The following TSBP1 variants were observed in gnomAD, a reference collection of about 807,000 sequenced individuals.
TSBP1 encodes testis-expressed basic protein 1.
In TSBP1, 56 loss-of-function variants were observed where a neutral mutation model predicts 68.8. That is an observed-to-expected ratio of 0.81 (90% confidence interval 0.66 to 1.02). The LOEUF (loss-of-function observed/expected upper bound fraction) is 1.02. TSBP1 is among the 50% of genes least tolerant of loss of function. The pLI, the probability that TSBP1 is intolerant of heterozygous loss-of-function variation, is 0.00. For synonymous variants in TSBP1, 171 were observed against 208.7 expected, an observed-to-expected ratio of 0.82 and a Z score of 1.56; for missense variants, 502 against 641.2, an observed-to-expected ratio of 0.78 and a Z score of 2.34.
chr6:32,332,011 G>A (rs1769079882), intron 15 of TSBP1, 23 bp downstream of exon 16: 1 of 1,571,506 alleles, frequency 6.4e-7, no homozygotes, highest in Non-Finnish European at 8.8e-7. Flanking sequence ...GTAGAGATAA[G>A]TTGATATATA....
chr6:32,355,752 A>G (rs1265758), intron 6 of TSBP1, 83 bp from the exon 7 acceptor site: 832,837 of 1,462,402 alleles, frequency 0.57, 240,000 homozygotes, highest in Middle Eastern at 0.63. Flanking sequence ...GGATTACCCA[A>G]TCAACACCCT....
chr6:32,327,722 C>A (rs1460245356), intron 16 of TSBP1, among the ~76,000 whole-genome samples: 2 of 148,418 alleles, frequency 1.3e-5, no homozygotes, highest in East Asian at 3.9e-4. Flanking sequence ...GGCATGACCT[C>A]AGCTCACTGC....
chr6:32,329,537 C>T (rs1013707918), intron 16 of TSBP1, among the ~76,000 whole-genome samples: 4 of 152,144 alleles, frequency 2.6e-5, no homozygotes, highest in African/African-American at 4.8e-5. Context: ...AGTAAATATC[C>T]AGTTTTAATG....
rs916857732 is a variant in TSBP1 at position 32,337,237 on chromosome 6, A to C, written c.410-602T>G. On this transcript the variant is annotated intron_variant, in intron 11 of 22. Transcript: ENST00000612031. The surrounding 1 kb of genome is among the most constrained non-coding windows in gnomAD (Gnocchi z 5.5). ...ACACCAGGAGCAAAATTTCCACTTC[A>C]GTGGAGGAACAAATTAAGTTTATAA... Among the ~76,000 whole-genome samples the C allele has an allele frequency of 6.6e-6, 1 of 152,238 alleles. No homozygotes were observed. Among genetic ancestry groups the C allele is most frequent in the Non-Finnish European group, 1.5e-5 (1 of 68,040 alleles).
Position 32,333,016 on chromosome 6 carries a change from TG to T in TSBP1, c.473-963del, listed in dbSNP as rs1398547122. ...AAGCCTGTTATGTTTTTTTTGTTGT[TG>T]TTTTTTTTTTAGACAGAGTCTTACT... On this transcript the variant is annotated intron_variant, in intron 14 of 22. Transcript: ENST00000612031. The surrounding 1 kb of genome is among the most constrained non-coding windows in gnomAD (Gnocchi z 4.2). 2.0e-5 allele frequency among the ~76,000 whole-genome samples: 3 copies of T among 151,412 alleles called. No individual in the cohort carries two copies. The highest frequency in any genetic ancestry group is 4.4e-5 in the Non-Finnish European group (3 of 67,878).
At chr6:32,362,028 A>G (rs537552888) in intron 6 of TSBP1, among the ~76,000 whole-genome samples, 226 of 152,052 alleles carry the variant, frequency 1.5e-3, no homozygotes, top group African/African-American at 5.3e-3. Flanking sequence ...CGGTGGCTCA[A>G]GCCTGTAATC....
intron 22 of TSBP1, among the ~76,000 whole-genome samples, chr6:32,296,692 T>C (rs1764763147): frequency 6.6e-6 from 1 of 152,196 alleles, no homozygotes; most frequent in Admixed American, 6.5e-5. Context: ...CATAAGCTGA[T>C]TTTCCTTAAG....
intron 7 of TSBP1, among the ~76,000 whole-genome samples, chr6:32,355,404 T>C (rs1772187545): frequency 6.6e-6 from 1 of 151,950 alleles, no homozygotes; most frequent in African/African-American, 2.4e-5. Flanking sequence ...TTTTTCCCTC[T>C]CTATTTTCTT....
At position 32,343,794 on chromosome 6, in the gene TSBP1, A is replaced by AT. The variant is rs1310223731; in HGVS notation, c.350-4157dup. ...TCTTCTTTCTGAATATTCCTTAAAC[A>AT]TTTTTTTCTTTAACGTACTGACCAT... On this transcript the variant is annotated intron_variant, in intron 9 of 22. Coordinates refer to ENST00000612031, the Ensembl canonical transcript of TSBP1. The surrounding 1 kb of genome is among the most constrained non-coding windows in gnomAD (Gnocchi z 4.3). Among the ~76,000 whole-genome samples, 5 of 151,878 alleles carry AT rather than the reference A, an allele frequency of 3.3e-5. No individual in the cohort carries two copies. The highest frequency in any genetic ancestry group is 9.7e-5 in the African/African-American group (4 of 41,342).
chr6:32,315,679 G>A lies in TSBP1; in HGVS notation c.580+93C>T, dbSNP rs1015151743. 96 of 805,244 alleles carry A rather than the reference G, an allele frequency of 1.2e-4. No homozygotes were observed. The highest frequency in any genetic ancestry group is 1.6e-4 in the Non-Finnish European group (84 of 535,908). The allele number at this position is 805,244 out of a possible 1,614,324, so 49.9% of individuals were successfully genotyped here. A position where few individuals can be genotyped will look rare whatever the true frequency, so the allele number is the denominator to read the frequency against. On this transcript the variant is annotated intron_variant, in intron 19 of 22. Transcript: ENST00000612031. This position sits in a 1 kb window ranked among gnomAD's most constrained non-coding sequence, Gnocchi z 5.4. ...GGGTAATGTAGAAGCAAATGAATATGAGAAATATGAGTCTCAATCTTTTGG... is the reference window on the plus strand; with the variant it reads ...GGGTAATGTAGAAGCAAATGAATATAAGAAATATGAGTCTCAATCTTTTGG...
intron 6 of TSBP1, among the ~76,000 whole-genome samples, chr6:32,364,189 G>T (rs941096314): frequency 2.6e-5 from 4 of 152,102 alleles, no homozygotes; most frequent in Non-Finnish European, 5.9e-5. Flanking sequence ...TAATGTCTTG[G>T]AGAAGTCTTC....
chr6:32,302,658 A>G lies in TSBP1; in HGVS notation c.581-29T>C, dbSNP rs955993527. ...AAAATCAAAACAAGAAAATAGGTTA[A>G]TGGCAGCATTTTTGGAACAGAAGTA... On this transcript the variant is annotated intron_variant, in intron 19 of 22. Transcript: ENST00000612031. The surrounding 1 kb of genome is among the most constrained non-coding windows in gnomAD (Gnocchi z 5.1). 2.6e-6 allele frequency: 4 copies of G among 1,528,210 alleles called. No homozygotes were observed. The highest frequency in any genetic ancestry group is 2.3e-5 in the Admixed American group (1 of 44,336). 94.7% of individuals were successfully genotyped at this position (1,528,210 alleles called of 1,614,324 possible). A position where few individuals can be genotyped will look rare whatever the true frequency, so the allele number is the denominator to read the frequency against.
At position 32,304,371 on chromosome 6, in the gene TSBP1, T is replaced by A. The variant is rs188532225; in HGVS notation, c.581-1742A>T. 1.8e-3 allele frequency among the ~76,000 whole-genome samples: 281 copies of A among 151,960 alleles called. 1 individual carries two copies. The highest frequency in any genetic ancestry group is 2.6e-3 in the Non-Finnish European group (175 of 67,940). On this transcript the variant is annotated intron_variant, in intron 19 of 22. Transcript: ENST00000612031. This position sits in a 1 kb window ranked among gnomAD's most constrained non-coding sequence, Gnocchi z 4.8. ...TAAAAATAAAATAAAACAAATCAGT[T>A]TTTTTTTAAATTATGTATTGAGTTC... is the stretch of plus-strand genomic sequence containing the variant.
exon 23 of TSBP1, chr6:32,293,739 C>T: frequency 6.2e-7 from 1 of 1,612,862 alleles, no homozygotes; most frequent in Non-Finnish European, 8.5e-7. Context: ...ATACTCATCT[C>T]ACTGATTTTT....
At chr6:32,293,611 C>T (rs760645031) in exon 23 of TSBP1, 24 of 1,612,914 alleles carry the variant, frequency 1.5e-5, no homozygotes, top group Admixed American at 1.0e-4. Context: ...ACCCACTCTT[C>T]GTTACTTGGG....
intron 16 of TSBP1, chr6:32,324,710 C>A (rs1768025531): frequency 1.3e-6 from 2 of 1,550,198 alleles, no homozygotes; most frequent in Non-Finnish European, 1.7e-6. Context: ...CTTTTTGTTA[C>A]CCCTTTCTTG....
Position 32,338,360 on chromosome 6 carries a change from G to A in TSBP1, c.409+619C>T, listed in dbSNP as rs1769913025. 6.6e-6 allele frequency among the ~76,000 whole-genome samples: 1 copy of A among 152,058 alleles called. No homozygotes were observed. Among genetic ancestry groups the A allele is most frequent in the African/African-American group, 2.4e-5 (1 of 41,380 alleles). On this transcript the variant is annotated intron_variant, in intron 11 of 22. Coordinates refer to ENST00000612031, the Ensembl canonical transcript of TSBP1. This position sits in a 1 kb window ranked among gnomAD's most constrained non-coding sequence, Gnocchi z 5.5. The stretch of plus-strand genomic sequence containing the variant: ...ACTTTAAGCATCAAGGCCATAAAGG[G>A]CTGGCAAAATCTCAGATCATATAAA...
In TSBP1 at chr6:32,321,453, T is replaced by C. The variant is rs1039089354; in HGVS notation, c.559+1664A>G. On this transcript the variant is annotated intron_variant, in intron 18 of 22. Transcript: ENST00000612031. This position sits in a 1 kb window ranked among gnomAD's most constrained non-coding sequence, Gnocchi z 4.3. Reference sequence around the variant, plus strand: ...TTCTAGCTGTGAGACCAGTAATCCCTTCTCCTGACCTCAGGTGGGCATTGG... The same window carrying C: ...TTCTAGCTGTGAGACCAGTAATCCCCTCTCCTGACCTCAGGTGGGCATTGG... Among the ~76,000 whole-genome samples the C allele has an allele frequency of 6.6e-6, 1 of 152,220 alleles. No individual in the cohort carries two copies. The highest frequency in any genetic ancestry group is 1.5e-5 in the Non-Finnish European group (1 of 68,040).
At position 32,343,325 on chromosome 6, in the gene TSBP1, C is replaced by A; in HGVS notation, c.350-3687G>T. 1 of 1,055,902 alleles carries A rather than the reference C, an allele frequency of 9.5e-7. No homozygotes were observed. The highest frequency in any genetic ancestry group is 1.3e-6 in the Non-Finnish European group (1 of 779,486). The allele number at this position is 1,055,902 out of a possible 1,614,324, so 65.4% of individuals were successfully genotyped here. A position where few individuals can be genotyped will look rare whatever the true frequency, so the allele number is the denominator to read the frequency against. ...AATAATCCATCAATTTCCCAAAAGT[C>A]TTCCCAGAAATAGTGTCCTCCCTCA... On this transcript the variant is annotated intron_variant, in intron 9 of 22. Transcript: ENST00000612031. The surrounding 1 kb of genome is among the most constrained non-coding windows in gnomAD (Gnocchi z 4.3).
Sources: gnomAD v4.1 joint callset for allele counts (sites outside exome capture counted in the v4.1 genomes callset) on GRCh38, gnomAD v4.1.1 for gene constraint, Gnocchi (gnomAD v3.1) non-coding constraint, MANE v1.5 for transcripts, NCBI Gene and HGNC (gene_info 2026-07-23, HGNC 2026-07-21) for gene names.